The following SLC15A1 variants were observed in gnomAD, a reference collection of about 807,000 sequenced individuals.
The protein encoded by SLC15A1 is Caco-2 oligopeptide transporter.
A neutral mutation model predicts 92.9 loss-of-function variants in SLC15A1; 83 were observed. The observed-to-expected ratio is 0.89, with a 90% CI of 0.75 to 1.07. The LOEUF (loss-of-function observed/expected upper bound fraction) is 1.07, where lower values mean the gene tolerates loss of function less well. SLC15A1 is among the 50% of genes least tolerant of loss of function. SLC15A1 has a pLI of 0.00. For synonymous variants in SLC15A1, 322 were observed against 318.2 expected (o/e 1.01, Z -0.13); for missense variants, 857 against 880.1 (o/e 0.97, Z 0.33).
intron 18 of SLC15A1, among the ~76,000 whole-genome samples, chr13:98,698,915 C>CA (rs1367826514): frequency 6.6e-6 from 1 of 152,040 alleles, no homozygotes; most frequent in Non-Finnish European, 1.5e-5. Context: ...TGGGGTTGAA[C>CA]GTTGAGGTGA....
rs578035610 is a variant in SLC15A1 at position 98,684,689 on chromosome 13, C to T, written c.*35G>A. On this transcript the variant is annotated 3_prime_UTR_variant, in exon 23 of 23. Transcript: ENST00000376503. ...CTGGGGGCAGAGGTCAGGGCATCTGCGGGCCCAGTCCATCCTCCACTTGCC... is the reference window on the plus strand; with the variant it reads ...CTGGGGGCAGAGGTCAGGGCATCTGTGGGCCCAGTCCATCCTCCACTTGCC... 8.5e-5 allele frequency: 135 copies of T among 1,586,664 alleles called. No homozygotes were observed. The South Asian group carries it at 1.2e-3, about 15-fold the overall frequency.
chr13:98,730,456 G>A (rs796518248), intron 1 of SLC15A1, among the ~76,000 whole-genome samples: 65 of 152,350 alleles, frequency 4.3e-4, no homozygotes, highest in African/African-American at 1.5e-3. Context: ...AGTGAGACCT[G>A]TCGTGGGATG....
At chr13:98,748,566 A>C (rs1371702597) in intron 1 of SLC15A1, among the ~76,000 whole-genome samples, 1 of 152,196 alleles carries the variant, frequency 6.6e-6, no homozygotes, top group Non-Finnish European at 1.5e-5. Flanking sequence ...AAACGCTGAG[A>C]TTACAGGCGT....
intron 7 of SLC15A1, among the ~76,000 whole-genome samples, chr13:98,720,288 T>C (rs1281966580): frequency 1.3e-5 from 2 of 152,268 alleles, no homozygotes; most frequent in Non-Finnish European, 2.9e-5. Context: ...ATTCACTTTA[T>C]ATTTGTAAGA....
intron 5 of SLC15A1, 98 bp from the exon 6 acceptor site, chr13:98,722,001 A>T: frequency 2.2e-6 from 2 of 899,862 alleles, no homozygotes; most frequent in Admixed American, 2.3e-5. Flanking sequence ...GCATAGTGAC[A>T]CACATAGAGA....
intron 20 of SLC15A1, 95 bp downstream of exon 20, chr13:98,688,153 C>G (rs574140971): frequency 1.2e-6 from 1 of 806,514 alleles, no homozygotes; most frequent in Non-Finnish European, 2.0e-6. Context: ...CCTAATATCA[C>G]TCTAGTTAAA....
At chr13:98,716,644 A>G (rs560026603) in intron 8 of SLC15A1, among the ~76,000 whole-genome samples, 50 of 152,180 alleles carry the variant, frequency 3.3e-4, no homozygotes, top group African/African-American at 1.2e-3. Context: ...ATAAAAATAA[A>G]TGGAGCTGTA....
chr13:98,729,177 G>T (rs1410906293), intron 1 of SLC15A1, among the ~76,000 whole-genome samples: 2 of 151,436 alleles, frequency 1.3e-5, no homozygotes, highest in Non-Finnish European at 2.9e-5. Flanking sequence ...GATATTAACT[G>T]TAAAATATTG....
chr13:98,737,118 A>G (rs192646756), intron 1 of SLC15A1, among the ~76,000 whole-genome samples: 1 of 152,374 alleles, frequency 6.6e-6, no homozygotes, highest in Admixed American at 6.5e-5. Flanking sequence ...GATAGACTGG[A>G]TTAAGAAAAT....
At chr13:98,743,687 A>C (rs57913874) in intron 1 of SLC15A1, among the ~76,000 whole-genome samples, 5,256 of 152,232 alleles carry the variant, frequency 0.035, 310 homozygotes, top group African/African-American at 0.12. Context: ...CCTGGCTGTT[A>C]GTACAGCAAC....
intron 1 of SLC15A1, among the ~76,000 whole-genome samples, chr13:98,741,498 G>A (rs113430026): frequency 0.31 from 47,761 of 151,972 alleles, 9,232 homozygotes; most frequent in Non-Finnish European, 0.45. Flanking sequence ...TACTTTGGGA[G>A]GTCGAGGCAG....
chr13:98,744,867 T>C (rs1233403229), intron 1 of SLC15A1, among the ~76,000 whole-genome samples: 2 of 151,612 alleles, frequency 1.3e-5, no homozygotes, highest in African/African-American at 4.8e-5. Context: ...GTTCTAGACA[T>C]AGAATGCTGT....
At chr13:98,701,234 C>T (rs1316688059) in intron 18 of SLC15A1, among the ~76,000 whole-genome samples, 7 of 152,288 alleles carry the variant, frequency 4.6e-5, no homozygotes, top group African/African-American at 1.7e-4. Flanking sequence ...GTTTTCACCA[C>T]TCAAATCCTG....
At chr13:98,721,760 G>A (rs1273543904) in intron 6 of SLC15A1, 44 bp downstream of exon 6, 3 of 1,562,444 alleles carry the variant, frequency 1.9e-6, no homozygotes, top group African/African-American at 2.7e-5. Context: ...ACTCCTGGAT[G>A]TGTAGTTCAT....
chr13:98,717,420 T>C (rs769141983), intron 8 of SLC15A1, among the ~76,000 whole-genome samples: 1 of 152,218 alleles, frequency 6.6e-6, no homozygotes, highest in Admixed American at 6.5e-5. Flanking sequence ...GAGGCAGTGT[T>C]GACACATCGG....
At position 98,744,264 on chromosome 13, in the gene SLC15A1, GAACC is replaced by G. The variant is rs1463459679; in HGVS notation, c.4+8327_4+8330del. Among the ~76,000 whole-genome samples, 325 of 110,512 alleles carry G rather than the reference GAACC, an allele frequency of 2.9e-3. 3 individuals are homozygous for G. The highest frequency in any genetic ancestry group is 0.011 in the African/African-American group (315 of 28,854). The allele number at this position is 110,512 out of a possible 152,430, so 72.5% of individuals were successfully genotyped here. ...TCAAAAAAAAAAAAAAAAAAAAAAA[GAACC>G]AATCTCTTGGTCTTTTGGAGGGTTG... On this transcript the variant is annotated intron_variant, in intron 1 of 22. Coordinates refer to ENST00000376503, the MANE Select transcript of SLC15A1 (RefSeq NM_005073.4).
At chr13:98,699,013 T>C (rs1021356060) in intron 18 of SLC15A1, among the ~76,000 whole-genome samples, 1 of 152,132 alleles carries the variant, frequency 6.6e-6, no homozygotes, top group African/African-American at 2.4e-5. Flanking sequence ...CAGTGCTATA[T>C]AAATTTTAAC....
intron 1 of SLC15A1, among the ~76,000 whole-genome samples, chr13:98,733,703 G>A (rs955929460): frequency 3.9e-5 from 6 of 152,202 alleles, no homozygotes; most frequent in African/African-American, 1.4e-4. Context: ...TGGGCTTTTG[G>A]GAATCAGGAG....
At chr13:98,709,129 A>T (rs1194546306) in intron 14 of SLC15A1, among the ~76,000 whole-genome samples, 2 of 151,914 alleles carry the variant, frequency 1.3e-5, no homozygotes, top group African/African-American at 4.8e-5. Context: ...CACCACACCC[A>T]GCTTATTTTT....
Sources: allele counts gnomAD v4.1 joint callset (sites outside exome capture counted in the v4.1 genomes callset), GRCh38; gene constraint gnomAD v4.1.1; transcripts MANE v1.5; gene names NCBI Gene and HGNC (gene_info 2026-07-23, HGNC 2026-07-21).